The following BRCA2 variants were observed in gnomAD, a reference collection of about 807,000 sequenced individuals.
The protein encoded by BRCA2 is breast cancer type 2 susceptibility protein.
BRCA2 carries 203 observed loss-of-function variants against 276.7 expected under a neutral mutation model. The observed-to-expected ratio is 0.73, with a 90% CI of 0.65 to 0.82. The LOEUF is 0.82. Ranked by LOEUF, BRCA2 falls within the 40% of genes least tolerant of loss-of-function variation. The pLI, the probability that BRCA2 is intolerant of heterozygous loss-of-function variation, is 0.00. For synonymous variants in BRCA2, 1,289 were observed against 1,338.4 expected, an observed-to-expected ratio of 0.96 and a Z score of 0.81; for missense variants, 3,920 against 3,915.0, an observed-to-expected ratio of 1.00 and a Z score of -0.03.
At chr13:32,356,380 C>A in intron 14 of BRCA2, 48 bp from the exon 15 acceptor site, 1 of 1,586,968 alleles carries the variant, frequency 6.3e-7, no homozygotes, top group Non-Finnish European at 8.6e-7. Flanking sequence ...AGGGGTTGTG[C>A]TTTTTAAATT....
chr13:32,388,155 G>C (rs2072974066), intron 24 of BRCA2, among the ~76,000 whole-genome samples: 1 of 143,008 alleles, frequency 7.0e-6, no homozygotes, highest in South Asian at 2.2e-4. Flanking sequence ...GTCTCACTCT[G>C]TTGCCCAGGC....
At chr13:32,330,247 A>G (rs997780435) in intron 8 of BRCA2, among the ~76,000 whole-genome samples, 17 of 152,214 alleles carry the variant, frequency 1.1e-4, no homozygotes, top group Admixed American at 1.0e-3. Flanking sequence ...TTCTACTTCT[A>G]TGGTGCACTG....
Position 32,376,803 on chromosome 13 carries a change from A to G in BRCA2, c.8754+12A>G, listed in dbSNP as rs863224316. The G allele has an allele frequency of 2.5e-6, 4 of 1,613,762 alleles. No homozygotes were observed. The highest frequency in any genetic ancestry group is 1.3e-5 in the African/African-American group (1 of 74,936). On this transcript the variant is annotated intron_variant, in intron 21 of 26. Coordinates refer to ENST00000380152, the MANE Select transcript of BRCA2 (RefSeq NM_000059.4). ...CAGCTTACCTTGAGGTGAGAGAGTAAGAGGACATATAATGAGGCTTGATGA... is the reference window on the plus strand; with the variant it reads ...CAGCTTACCTTGAGGTGAGAGAGTAGGAGGACATATAATGAGGCTTGATGA...
chr13:32,335,957 C>T (rs1370297580), intron 10 of BRCA2, among the ~76,000 whole-genome samples: 3 of 152,138 alleles, frequency 2.0e-5, no homozygotes, highest in Non-Finnish European at 4.4e-5. Flanking sequence ...TCTCAGCTCA[C>T]CGTAGCCTCA....
chr13:32,398,508 C>G lies in BRCA2; in HGVS notation c.9995C>G (p.Ser3332Cys), dbSNP rs876658246. 6.2e-7 allele frequency: 1 copy of G among 1,614,100 alleles called. No individual in the cohort carries two copies. The highest frequency in any genetic ancestry group is 8.5e-7 in the Non-Finnish European group (1 of 1,180,028). ...CCATTTAAAAAATTCAATGAAATTTCTCTTTTGGAAAGTAATTCAATAGCT... is the reference window on the plus strand; with the variant it reads ...CCATTTAAAAAATTCAATGAAATTTGTCTTTTGGAAAGTAATTCAATAGCT... Reference protein sequence around the residue: ...MTPFKKFNEISLLESNSIADE... With the variant: ...MTPFKKFNEICLLESNSIADE... Residue 3332 changes from serine to cysteine, a missense_variant, in exon 27 of 27, where the codon TCT becomes TGT. Ser to Cys is a moderately radical substitution (Grantham distance 112). Around this residue, in one of 2 missense-constraint regions of BRCA2, gnomAD observed 657 missense variants for 758.2 expected, o/e 0.87. Transcript: ENST00000380152.
At chr13:32,334,455 C>T (rs1176113739) in intron 10 of BRCA2, among the ~76,000 whole-genome samples, 1 of 151,998 alleles carries the variant, frequency 6.6e-6, no homozygotes, top group Non-Finnish European at 1.5e-5. Flanking sequence ...GCAGGAGGAT[C>T]ACTTATGGTC....
At chr13:32,343,005 C>T (rs976866812) in intron 11 of BRCA2, among the ~76,000 whole-genome samples, 2 of 151,430 alleles carry the variant, frequency 1.3e-5, no homozygotes, top group South Asian at 2.1e-4. Flanking sequence ...GCCAAGATCG[C>T]ACCACTGCAC....
At chr13:32,355,770 C>T (rs2072688759) in intron 14 of BRCA2, among the ~76,000 whole-genome samples, 1 of 151,780 alleles carries the variant, frequency 6.6e-6, no homozygotes, top group South Asian at 2.1e-4. Context: ...ATCCCAGCTG[C>T]TTGGGAGGCT....
Position 32,330,950 on chromosome 13 carries a change from A to C in BRCA2, c.713A>C (p.Glu238Ala). 1 of 1,613,184 alleles carries C rather than the reference A, an allele frequency of 6.2e-7. No homozygotes were observed. The highest frequency in any genetic ancestry group is 1.7e-4 in the Middle Eastern group (1 of 6,060). ...NVKSYFSNHD[E>A]SLKKNDRFIA... ...AAAAGCTATTTTTCCAATCATGATGAAAGTCTGAAGAAAAATGATAGATTT... is the reference window on the plus strand; with the variant it reads ...AAAAGCTATTTTTCCAATCATGATGCAAGTCTGAAGAAAAATGATAGATTT... Residue 238 changes from glutamate to alanine, a missense_variant, in exon 9 of 27, where the codon GAA becomes GCA. Glu to Ala is a moderately radical substitution (Grantham distance 107, BLOSUM62 -1). Coordinates refer to ENST00000380152, the MANE Select transcript of BRCA2 (RefSeq NM_000059.4).
chr13:32,383,538 C>T (rs546860181), intron 24 of BRCA2, among the ~76,000 whole-genome samples: 19 of 152,250 alleles, frequency 1.2e-4, no homozygotes, highest in South Asian at 1.2e-3. Context: ...GTGTTCAGCT[C>T]TGATGGTGTG....
At chr13:32,363,909 C>T (rs1405362056) in intron 18 of BRCA2, among the ~76,000 whole-genome samples, 6 of 152,146 alleles carry the variant, frequency 3.9e-5, no homozygotes, top group Non-Finnish European at 7.4e-5. Context: ...CTTTTTATCT[C>T]TATGTAGATT....
chr13:32,398,992 T>C lies in BRCA2; in HGVS notation c.*222T>C. The C allele has an allele frequency of 1.9e-6, 1 of 523,828 alleles. No individual in the cohort carries two copies. Among genetic ancestry groups the C allele is most frequent in the South Asian group, 2.5e-5 (1 of 40,284 alleles). The allele number at this position is 523,828 out of a possible 1,614,324, so 32.4% of individuals were successfully genotyped here. A position where few individuals can be genotyped will look rare whatever the true frequency, so the allele number is the denominator to read the frequency against. Reference sequence around the variant, plus strand: ...GCATATCTTAAAACTAAATGTAATTTATTAACTAATCAAGAAAAACATCTT... The same window carrying C: ...GCATATCTTAAAACTAAATGTAATTCATTAACTAATCAAGAAAAACATCTT... On this transcript the variant is annotated 3_prime_UTR_variant, in exon 27 of 27. Coordinates refer to ENST00000380152, the MANE Select transcript of BRCA2 (RefSeq NM_000059.4).
intron 4 of BRCA2, among the ~76,000 whole-genome samples, chr13:32,325,532 T>A (rs1220396043): frequency 6.6e-6 from 1 of 151,798 alleles, no homozygotes; most frequent in South Asian, 2.1e-4. Flanking sequence ...TGATTTACTT[T>A]ACAAATTTTT....
intron 11 of BRCA2, 67 bp downstream of exon 11, chr13:32,341,263 G>A (rs1566235543): frequency 6.3e-7 from 1 of 1,592,144 alleles, no homozygotes; most frequent in Non-Finnish European, 8.6e-7. Context: ...CAGTAGACTT[G>A]GTATGCTAAC....
At position 32,379,490 on chromosome 13, in the gene BRCA2, C is replaced by G. The variant is rs771267741; in HGVS notation, c.8928C>G (p.Ser2976Arg). ...VTTVWKLRIV[S>R]YSKKEKDSVI... ...CCGTGTGGAAGTTGCGTATTGTAAG[C>G]TATTCAAAAAAAGAAAAAGATTCAG... is the stretch of plus-strand genomic sequence containing the variant. The change falls in exon 22 of 27, where the codon AGC becomes AGG. Residue 2976 changes from serine to arginine, a missense_variant. By Grantham distance (110) the Ser-to-Arg change is moderately radical. Around this residue, in one of 2 missense-constraint regions of BRCA2, gnomAD observed 657 missense variants for 758.2 expected, o/e 0.87. Coordinates refer to ENST00000380152, the MANE Select transcript of BRCA2 (RefSeq NM_000059.4). 1 of 1,612,446 alleles carries G rather than the reference C, an allele frequency of 6.2e-7. No individual in the cohort carries two copies. Among genetic ancestry groups the G allele is most frequent in the Non-Finnish European group, 8.5e-7 (1 of 1,179,596 alleles).
chr13:32,316,033 C>T (rs1566214262), intron 1 of BRCA2, among the ~76,000 whole-genome samples: 1 of 152,212 alleles, frequency 6.6e-6, no homozygotes, highest in Non-Finnish European at 1.5e-5. Flanking sequence ...AGCTGCTGGG[C>T]ACGCTGTATT....
Position 32,341,960 on chromosome 13 carries a change from T to C in BRCA2, c.6841+764T>C, listed in dbSNP as rs535774665. Among the ~76,000 whole-genome samples the C allele has an allele frequency of 2.7e-4, 41 of 152,088 alleles. No homozygotes were observed. In the East Asian group the frequency reaches 7.6e-3, roughly 28 times the overall value. On this transcript the variant is annotated intron_variant, in intron 11 of 26. Transcript: ENST00000380152. ...TACTTACATAGCTTCAGTTTCCTTATCTATAAAATGCAAATAACACCTCCC... is the reference window on the plus strand; with the variant it reads ...TACTTACATAGCTTCAGTTTCCTTACCTATAAAATGCAAATAACACCTCCC...
At chr13:32,390,881 G>A (rs1313862593) in intron 24 of BRCA2, among the ~76,000 whole-genome samples, 5 of 152,150 alleles carry the variant, frequency 3.3e-5, no homozygotes, top group East Asian at 1.9e-4. Context: ...CATCTCATAC[G>A]GTCCTCATAG....
At position 32,338,826 on chromosome 13, in the gene BRCA2, C is replaced by T. The variant is rs748982373; in HGVS notation, c.4471C>T (p.Leu1491=). The T allele has an allele frequency of 5.0e-6, 8 of 1,613,718 alleles. No homozygotes were observed. The highest frequency in any genetic ancestry group is 5.1e-6 in the Non-Finnish European group (6 of 1,179,822). ...AACAGACATAGTTAAACACAAAATA[C>T]TGAAAGAAAGTGTCCCAGTTGGTAC... ...EETDIVKHKI[L]KESVPVGTGN... The change falls in exon 11 of 27, where the codon CTG becomes TTG. Residue 1491 remains leucine, a synonymous_variant. Coordinates refer to ENST00000380152, the MANE Select transcript of BRCA2 (RefSeq NM_000059.4).
Sources: gnomAD v4.1 joint callset for allele counts (sites outside exome capture counted in the v4.1 genomes callset) on GRCh38, gnomAD v4.1.1 for gene constraint, gnomAD v4.1.1 regional missense constraint, MANE v1.5 for transcripts, NCBI Gene and HGNC (gene_info 2026-07-23, HGNC 2026-07-21) for gene names.